Variants in C1orf146 observed in about 807,000 individuals in gnomAD.
C1orf146 encodes the protein chromosome 1 open reading frame 146.
A neutral mutation model predicts 23.0 loss-of-function variants in C1orf146; 22 were observed. That is an observed-to-expected ratio of 0.96 (90% CI 0.68 to 1.36). The LOEUF (loss-of-function observed/expected upper bound fraction) is 1.36, where lower values mean the gene tolerates loss of function less well. Ranked by LOEUF, C1orf146 falls within the 40% of genes most tolerant of loss-of-function variation. The probability of loss-of-function intolerance (pLI) is 0.00; values close to 1 mark genes in which losing one functional copy is unlikely to be tolerated. For missense variants in C1orf146, 199 were observed against 206.8 expected (o/e 0.96, Z 0.23); for synonymous variants, 59 against 65.3 (o/e 0.90, Z 0.47).
intron 1 of C1orf146, among the ~76,000 whole-genome samples, chr1:92,227,269 G>C (rs532035692): frequency 6.6e-6 from 1 of 152,126 alleles, no homozygotes; most frequent in Non-Finnish European, 1.5e-5. Flanking sequence ...TTGGCCGGGC[G>C]TGGTGGCTCA....
rs558233823 is a variant in C1orf146, at chr1:92,227,598, A to G, written c.-39-3784A>G. 7.2e-5 allele frequency among the ~76,000 whole-genome samples: 11 copies of G among 152,246 alleles called. No homozygotes were observed. The East Asian group carries it at 1.9e-3, about 27-fold the overall frequency. ...TGGTATCTTCTTTAAGTGTGGGTCT[A>G]CTGATGATGAAGTCTCTGATTTTAT... On this transcript the variant is annotated intron_variant, in intron 1 of 5. Transcript: ENST00000370375.
chr1:92,218,883 C>T (rs963595809), intron 1 of C1orf146, among the ~76,000 whole-genome samples: 1 of 152,210 alleles, frequency 6.6e-6, no homozygotes. Context: ...CCCAGAAATG[C>T]TGAGAAGGCA....
At chr1:92,229,057 A>C (rs1432327523) in intron 1 of C1orf146, 1 of 488,924 alleles carries the variant, frequency 2.0e-6, no homozygotes, top group Non-Finnish European at 4.0e-6. Context: ...AACTTGTCAT[A>C]CTCCTGCTTG....
At chr1:92,222,780 G>C (rs1192233366) in intron 1 of C1orf146, among the ~76,000 whole-genome samples, 1 of 151,598 alleles carries the variant, frequency 6.6e-6, no homozygotes, top group Non-Finnish European at 1.5e-5. Flanking sequence ...TAGAGATGGG[G>C]TTTCACCATG....
intron 2 of C1orf146, among the ~76,000 whole-genome samples, chr1:92,234,834 T>C (rs1429423824): frequency 6.6e-6 from 1 of 152,242 alleles, no homozygotes. Context: ...CCTGGTTTAG[T>C]CTTGGGAGAG....
intron 1 of C1orf146, among the ~76,000 whole-genome samples, chr1:92,220,614 A>G (rs370619301): frequency 5.3e-5 from 8 of 152,218 alleles, no homozygotes; most frequent in African/African-American, 1.7e-4. Context: ...TTGTGGCACC[A>G]CCAGTCATAT....
At chr1:92,245,470 T>A in intron 5 of C1orf146, 70 bp from the exon 6 acceptor site, 1 of 1,244,584 alleles carries the variant, frequency 8.0e-7, no homozygotes, top group Non-Finnish European at 1.1e-6. Context: ...AAGTCAGGTA[T>A]TTTTAAATGT....
In C1orf146 at chr1:92,245,520, A is replaced by G; in HGVS notation, c.409-20A>G. On this transcript the variant is annotated intron_variant, in intron 5 of 5. Transcript: ENST00000370375. ...ACCTTATTTCTGTAAATAATGCTGC[A>G]TCTTTATATCTTCTTCCAGACTACC... 6.4e-7 allele frequency: 1 copy of G among 1,564,946 alleles called. No individual in the cohort carries two copies. The highest frequency in any genetic ancestry group is 8.7e-7 in the Non-Finnish European group (1 of 1,154,900).
At chr1:92,218,313 C>T (rs1038979205) in intron 1 of C1orf146, among the ~76,000 whole-genome samples, 4 of 152,062 alleles carry the variant, frequency 2.6e-5, no homozygotes, top group Non-Finnish European at 4.4e-5. Flanking sequence ...CTTTGTTGGT[C>T]ACTCCGAAAA....
intron 1 of C1orf146, among the ~76,000 whole-genome samples, chr1:92,221,867 ACTTCT>A (rs1237523557): frequency 6.6e-6 from 1 of 152,190 alleles, no homozygotes; most frequent in South Asian, 2.1e-4. Context: ...GGACTCCTGT[ACTTCT>A]CTTCTGACAC....
intron 3 of C1orf146, among the ~76,000 whole-genome samples, chr1:92,243,184 C>T (rs558634104): frequency 6.6e-6 from 1 of 152,044 alleles, no homozygotes; most frequent in Non-Finnish European, 1.5e-5. Context: ...ATAAGTTGCC[C>T]AAGTTTACTC....
chr1:92,239,103 A>C (rs1652369128), intron 2 of C1orf146, among the ~76,000 whole-genome samples: 1 of 152,084 alleles, frequency 6.6e-6, no homozygotes, highest in South Asian at 2.1e-4. Context: ...CATGTTTTTT[A>C]CATTTTTAAA....
chr1:92,220,166 G>A (rs543093345), intron 1 of C1orf146, among the ~76,000 whole-genome samples: 273 of 152,004 alleles, frequency 1.8e-3, no homozygotes, highest in Admixed American at 5.6e-3. Context: ...TCCTAGAATC[G>A]ACCATTTCTC....
chr1:92,224,015 T>A (rs757512787), intron 1 of C1orf146, among the ~76,000 whole-genome samples: 11 of 12,830 alleles, frequency 8.6e-4, no homozygotes, highest in Admixed American at 1.9e-3. Flanking sequence ...TGTTTTATTT[T>A]ATTTATTTAT....
intron 3 of C1orf146, among the ~76,000 whole-genome samples, chr1:92,243,259 C>T (rs775111380): frequency 2.1e-4 from 32 of 152,202 alleles, no homozygotes; most frequent in Non-Finnish European, 4.1e-4. Flanking sequence ...GAGCTATAAT[C>T]AAGTTTCCCT....
chr1:92,218,982 C>T (rs1290150284), intron 1 of C1orf146, among the ~76,000 whole-genome samples: 1 of 152,168 alleles, frequency 6.6e-6, no homozygotes, highest in Non-Finnish European at 1.5e-5. Context: ...ACTTATTGTG[C>T]ACGTGATTAC....
At chr1:92,233,640 T>C (rs1271268858) in intron 2 of C1orf146, among the ~76,000 whole-genome samples, 1 of 152,208 alleles carries the variant, frequency 6.6e-6, no homozygotes, top group Non-Finnish European at 1.5e-5. Flanking sequence ...TTTCCAATTC[T>C]GTGAAGAAAG....
rs909469782 is a variant in C1orf146, at chr1:92,244,771, T to C, written c.330-8T>C. 2.5e-6 allele frequency: 4 copies of C among 1,573,564 alleles called. No individual in the cohort carries two copies. The highest frequency in any genetic ancestry group is 2.6e-6 in the Non-Finnish European group (3 of 1,144,246). On this transcript the variant is annotated splice_polypyrimidine_tract_variant and splice_region_variant and intron_variant, in intron 4 of 5. Transcript: ENST00000370375. ...TATATGATCTGTATAACATGAATTG[T>C]TTTTCAGATTCCTGGGTTGTAACTT...
At position 92,244,798 on chromosome 1, in the gene C1orf146, C is replaced by T. The variant is rs371131417; in HGVS notation, c.349C>T (p.Arg117Ter). The change falls in exon 5 of 6, where the codon CGA (arginine) becomes TGA (stop). Residue 117 changes from arginine to a stop codon, truncating the protein, a stop_gained. Transcript: ENST00000370375. LOFTEE classifies it high-confidence loss of function. Reference protein sequence around the residue: ...IQQRFLGCNLRILPVHNTVNA... With the variant: ...IQQRFLGCNL ...TTTCAGATTCCTGGGTTGTAACTTA[C>T]GAATACTTCCAGTACACAACACAGT... 33 of 1,605,516 alleles carry T rather than the reference C, an allele frequency of 2.1e-5. No homozygotes were observed. Among genetic ancestry groups the T allele is most frequent in the East Asian group, 4.5e-5 (2 of 44,770 alleles).
Sources: gnomAD v4.1 joint callset for allele counts (sites outside exome capture counted in the v4.1 genomes callset) on GRCh38, gnomAD v4.1.1 for gene constraint, MANE v1.5 for transcripts, NCBI Gene and HGNC (gene_info 2026-07-23, HGNC 2026-07-21) for gene names.